Variants in PLSCR5 observed in about 807,000 individuals in gnomAD.
PLSCR5 encodes phospholipid scramblase family member 5.
A neutral mutation model predicts 33.6 loss-of-function variants in PLSCR5; 44 were observed. The observed-to-expected ratio is 1.31, with a 90% CI of 1.03 to 1.69. The LOEUF is 1.69. PLSCR5 is among the 40% of genes most tolerant of loss of function. PLSCR5 has a pLI of 0.00. For missense variants in PLSCR5, 375 were observed against 318.7 expected, an observed-to-expected ratio of 1.18 and a Z score of -1.34; for synonymous variants, 148 against 112.3, an observed-to-expected ratio of 1.32 and a Z score of -2.01.
At chr3:146,604,652 G>A (rs1257879160) in intron 1 of PLSCR5, among the ~76,000 whole-genome samples, 1 of 152,020 alleles carries the variant, frequency 6.6e-6, no homozygotes, top group Non-Finnish European at 1.5e-5. Flanking sequence ...TGGATTGTCT[G>A]TAACTCAAAG....
downstream of PLSCR5, among the ~76,000 whole-genome samples, chr3:146,583,004 A>AT (rs1213601218): frequency 6.6e-6 from 1 of 151,822 alleles, no homozygotes; most frequent in Non-Finnish European, 1.5e-5. Flanking sequence ...CTACGTTTGT[A>AT]TCCCCAACCA....
At chr3:146,592,905 T>G (rs1182410060) in intron 4 of PLSCR5, among the ~76,000 whole-genome samples, 1 of 152,196 alleles carries the variant, frequency 6.6e-6, no homozygotes, top group Non-Finnish European at 1.5e-5. Context: ...ATATTAATAT[T>G]AAATATCCTC....
At chr3:146,584,539 A>G (rs766670419), downstream of PLSCR5, among the ~76,000 whole-genome samples, 1 of 152,206 alleles carries the variant, frequency 6.6e-6, no homozygotes, top group African/African-American at 2.4e-5. Context: ...ATTTTTTGGT[A>G]GTTAATTCCT....
At chr3:146,601,025 T>A (rs1220166823) in intron 1 of PLSCR5, among the ~76,000 whole-genome samples, 3 of 149,848 alleles carry the variant, frequency 2.0e-5, no homozygotes, top group East Asian at 3.9e-4. Context: ...CCAATAATAG[T>A]TTGAAGCTAT....
At chr3:146,589,607 A>G in intron 6 of PLSCR5, 46 bp downstream of exon 6, 1 of 1,433,270 alleles carries the variant, frequency 7.0e-7, no homozygotes, top group East Asian at 2.4e-5. Flanking sequence ...TTAACAAGCA[A>G]GAGGGAGAAT....
intron 5 of PLSCR5, among the ~76,000 whole-genome samples, chr3:146,591,512 T>C (rs1233127662): frequency 6.6e-6 from 1 of 151,908 alleles, no homozygotes; most frequent in Non-Finnish European, 1.5e-5. Flanking sequence ...TGTAATATTA[T>C]TTTTAAAAAA....
chr3:146,604,959 T>C (rs2044851940), intron 1 of PLSCR5, among the ~76,000 whole-genome samples: 1 of 152,156 alleles, frequency 6.6e-6, no homozygotes, highest in African/African-American at 2.4e-5. Flanking sequence ...TAATTCACTA[T>C]GTTTGTATTC....
At chr3:146,577,293 C>G (rs1360921783) in intron 7 of PLSCR5, among the ~76,000 whole-genome samples, 1 of 152,104 alleles carries the variant, frequency 6.6e-6, no homozygotes, top group Non-Finnish European at 1.5e-5. Context: ...GACCTACTCA[C>G]ACTTGCTCAA....
At position 146,595,777 on chromosome 3, in the gene PLSCR5, A is replaced by C. The variant is rs546552319; in HGVS notation, c.190-694T>G. ...TTTTACAACTCAATTTTTTTAGAAG[A>C]CATGAAACAACACAATAATGATTTG... On this transcript the variant is annotated intron_variant, in intron 2 of 7. Transcript: ENST00000443512. Among the ~76,000 whole-genome samples the C allele has an allele frequency of 2.6e-5, 4 of 152,310 alleles. No individual in the cohort carries two copies. The East Asian group carries it at 7.7e-4, about 29-fold the overall frequency.
At chr3:146,587,974 A>G (rs2044678783) in intron 6 of PLSCR5, among the ~76,000 whole-genome samples, 1 of 152,062 alleles carries the variant, frequency 6.6e-6, no homozygotes, top group African/African-American at 2.4e-5. Context: ...TCCAAATATC[A>G]TTAGAAGAGA....
At position 146,580,293 on chromosome 3, in the gene PLSCR5, C is replaced by A. The variant is rs142853232; in HGVS notation, c.*45-3568G>T. 5.9e-5 allele frequency among the ~76,000 whole-genome samples: 9 copies of A among 152,090 alleles called. No individual in the cohort carries two copies. In the East Asian group the frequency reaches 1.7e-3, roughly 29 times the overall value. ...ACGAAATGCCAAGTTTTGTCAATTTCTCTTCCTAAACTTGCCTTGCAAGAC... is the reference window on the plus strand; with the variant it reads ...ACGAAATGCCAAGTTTTGTCAATTTATCTTCCTAAACTTGCCTTGCAAGAC... On this transcript the variant is annotated intron_variant, in intron 7 of 7. Transcript: ENST00000482567.
At chr3:146,591,081 G>A (rs1213392635) in intron 5 of PLSCR5, among the ~76,000 whole-genome samples, 1 of 148,122 alleles carries the variant, frequency 6.8e-6, no homozygotes, top group Non-Finnish European at 1.5e-5. Context: ...TTAATGTAAC[G>A]TGCTGCTGAA....
downstream of PLSCR5, among the ~76,000 whole-genome samples, chr3:146,584,264 A>G (rs2044651700): frequency 6.6e-6 from 1 of 152,208 alleles, no homozygotes; most frequent in Non-Finnish European, 1.5e-5. Flanking sequence ...TTGAGAGGAA[A>G]GGGAAGGAAT....
intron 5 of PLSCR5, chr3:146,590,075 AG>A (rs764019782): frequency 2.4e-5 from 6 of 246,070 alleles, no homozygotes; most frequent in Non-Finnish European, 4.6e-5. Flanking sequence ...GGAGAATATC[AG>A]GATAAATAAT....
At chr3:146,593,530 G>T (rs1221865823) in intron 4 of PLSCR5, among the ~76,000 whole-genome samples, 2 of 152,104 alleles carry the variant, frequency 1.3e-5, no homozygotes, top group African/African-American at 4.8e-5. Flanking sequence ...TATCCAAGAG[G>T]ATACCTTAGA....
intron 2 of PLSCR5, 128 bp from the exon 3 acceptor site, chr3:146,595,211 A>T: frequency 2.2e-6 from 1 of 447,906 alleles, no homozygotes; most frequent in African/African-American, 2.0e-5. Context: ...TATTAGGAAA[A>T]CAGTTGAAAA....
intron 6 of PLSCR5, among the ~76,000 whole-genome samples, chr3:146,589,098 A>G (rs942065853): frequency 6.6e-6 from 1 of 152,198 alleles, no homozygotes; most frequent in Non-Finnish European, 1.5e-5. Flanking sequence ...CAATCTCCAT[A>G]TACCAAAGAA....
intron 1 of PLSCR5, among the ~76,000 whole-genome samples, chr3:146,603,273 G>C (rs1158600403): frequency 6.6e-6 from 1 of 152,084 alleles, no homozygotes; most frequent in Non-Finnish European, 1.5e-5. Flanking sequence ...TATAAATAAT[G>C]TGTTTATATA....
chr3:146,593,542 G>C (rs1378881231), intron 4 of PLSCR5, among the ~76,000 whole-genome samples: 1 of 152,116 alleles, frequency 6.6e-6, no homozygotes, highest in South Asian at 2.1e-4. Context: ...TACCTTAGAG[G>C]AGTTTAATAT....
Sources: allele counts gnomAD v4.1 joint callset (sites outside exome capture counted in the v4.1 genomes callset), GRCh38; gene constraint gnomAD v4.1.1; transcripts MANE v1.5; gene names NCBI Gene and HGNC (gene_info 2026-07-23, HGNC 2026-07-21).